Variants in NUCB1 observed in about 807,000 individuals in gnomAD.
NUCB1 encodes the protein nucleobindin-1.
NUCB1 carries 47 observed loss-of-function variants against 61.2 expected under a neutral mutation model. The observed-to-expected ratio is 0.77, with a 90% confidence interval of 0.61 to 0.98. NUCB1 has a LOEUF of 0.98. Among genes scored for constraint, NUCB1 ranks in the 50% least tolerant of loss-of-function variants. NUCB1 has a pLI of 0.00. For synonymous variants in NUCB1, 234 were observed against 243.1 expected (o/e 0.96, Z 0.35); for missense variants, 583 against 605.3 (o/e 0.96, Z 0.39).
chr19:48,900,612 T>A, intron 1 of NUCB1, 174 bp from the exon 2 acceptor site: 1 of 810,592 alleles, frequency 1.2e-6, no homozygotes, highest in Non-Finnish European at 1.9e-6. Context: ...CCCAGACTCC[T>A]GTGTCGGAGG....
intron 4 of NUCB1, among the ~76,000 whole-genome samples, chr19:48,906,692 C>T (rs1269903328): frequency 5.9e-5 from 9 of 151,912 alleles, no homozygotes. Flanking sequence ...CACTGTACTC[C>T]AGCCTGGGCG....
At chr19:48,907,841 G>C (rs10416167) in intron 4 of NUCB1, among the ~76,000 whole-genome samples, 70,743 of 148,916 alleles carry the variant, frequency 0.48, 18,598 homozygotes, top group African/African-American at 0.73. Flanking sequence ...TGCCCTTCCC[G>C]TATGCACCCT....
At chr19:48,911,829 TG>T (rs905323048) in intron 5 of NUCB1, among the ~76,000 whole-genome samples, 38 of 151,944 alleles carry the variant, frequency 2.5e-4, no homozygotes, top group African/African-American at 8.0e-4. Flanking sequence ...TTTGGGAGTG[TG>T]GGGGGAGTAT....
chr19:48,913,451 G>A, intron 6 of NUCB1, 23 bp from the exon 7 acceptor site: 1 of 1,605,990 alleles, frequency 6.2e-7, no homozygotes, highest in Non-Finnish European at 8.5e-7. Context: ...TTGCTCATGA[G>A]CTCCTGGCTC....
At chr19:48,903,632 G>T (rs1452363023) in intron 2 of NUCB1, among the ~76,000 whole-genome samples, 1 of 143,416 alleles carries the variant, frequency 7.0e-6, no homozygotes, top group African/African-American at 2.6e-5. Flanking sequence ...ATGGACGGGT[G>T]GTTGGATGGA....
intron 2 of NUCB1, 24 bp from the exon 3 acceptor site, chr19:48,904,323 C>A (rs776991134): frequency 6.6e-7 from 1 of 1,506,922 alleles, no homozygotes; most frequent in Non-Finnish European, 9.2e-7. Flanking sequence ...GCAGGGGCTG[C>A]TATGTCTGTC....
rs776576952 is a variant in NUCB1, at chr19:48,912,974, A to AG, written c.481-32dup. The AG allele has an allele frequency of 4.8e-5, 73 of 1,514,914 alleles. No individual in the cohort carries two copies. The South Asian group carries it at 9.0e-4, about 19-fold the overall frequency. The allele number at this position is 1,514,914 out of a possible 1,614,324, so 93.8% of individuals were successfully genotyped here. ...CAGGCTGGAATTGGGGGCTGGGCAGAGGGGGCAGAGGGGAATGACCCTGTG... is the reference window on the plus strand; with the variant it reads ...CAGGCTGGAATTGGGGGCTGGGCAGAGGGGGGCAGAGGGGAATGACCCTGTG... On this transcript the variant is annotated intron_variant, in intron 5 of 12. Coordinates refer to ENST00000405315, the MANE Select transcript of NUCB1 (RefSeq NM_006184.6).
intron 2 of NUCB1, among the ~76,000 whole-genome samples, chr19:48,904,038 GATGGATGGGTGGGTGGATGC>G (rs1423421889): frequency 6.6e-6 from 1 of 151,410 alleles, no homozygotes; most frequent in East Asian, 1.9e-4. Flanking sequence ...GGGATGTATG[GATGGATGGGTGGGTGGATGC>G]ATGGATGAAT....
chr19:48,914,270 C>T (rs1035688292), intron 7 of NUCB1, among the ~76,000 whole-genome samples: 2 of 151,936 alleles, frequency 1.3e-5, no homozygotes, highest in African/African-American at 2.4e-5. Flanking sequence ...TCACTGCGCC[C>T]GGCCTCGAAA....
At chr19:48,915,614 C>T (rs942828081) in intron 7 of NUCB1, among the ~76,000 whole-genome samples, 5 of 152,160 alleles carry the variant, frequency 3.3e-5, no homozygotes, top group African/African-American at 1.2e-4. Flanking sequence ...GATCCTCCCC[C>T]TCAGCCTCCC....
At chr19:48,903,852 G>T (rs2037381826) in intron 2 of NUCB1, among the ~76,000 whole-genome samples, 1 of 139,786 alleles carries the variant, frequency 7.2e-6, no homozygotes, top group South Asian at 2.4e-4. Context: ...ATGGATGGAT[G>T]GATGAGTGGA....
At chr19:48,910,855 G>A (rs527765328) in intron 4 of NUCB1, 1 of 254,770 alleles carries the variant, frequency 3.9e-6, no homozygotes, top group South Asian at 4.8e-5. Flanking sequence ...TAAAACCCTT[G>A]TTGTCAGGAT....
chr19:48,911,070 TC>T, intron 4 of NUCB1, 78 bp from the exon 5 acceptor site: 1 of 1,069,056 alleles, frequency 9.4e-7, no homozygotes, highest in Admixed American at 2.0e-5. Flanking sequence ...GTCCGTGACT[TC>T]TTTGGATCAT....
At chr19:48,909,578 A>G (rs1037632264) in intron 4 of NUCB1, among the ~76,000 whole-genome samples, 30 of 150,552 alleles carry the variant, frequency 2.0e-4, no homozygotes, top group Middle Eastern at 3.5e-3. Flanking sequence ...TTTCACTTCT[A>G]TCCTCCAGGC....
intron 8 of NUCB1, 22 bp from the exon 9 acceptor site, chr19:48,919,008 T>C (rs1387146998): frequency 6.2e-7 from 1 of 1,609,274 alleles, no homozygotes; most frequent in East Asian, 2.2e-5. Flanking sequence ...CAATGCTGTC[T>C]GCCTCTCGCT....
intron 2 of NUCB1, among the ~76,000 whole-genome samples, chr19:48,901,745 G>A (rs1211651060): frequency 6.6e-6 from 1 of 152,152 alleles, no homozygotes; most frequent in African/African-American, 2.4e-5. Flanking sequence ...CTCCAGCCTG[G>A]GCAACAGAGC....
chr19:48,922,012 C>T (rs973239717), intron 12 of NUCB1, 80 bp downstream of exon 12: 6 of 1,140,192 alleles, frequency 5.3e-6, no homozygotes, highest in Non-Finnish European at 6.3e-6. Flanking sequence ...GCCTGGACTC[C>T]CAGATCTGAG....
chr19:48,918,863 C>A, intron 8 of NUCB1, 79 bp downstream of exon 8: 1 of 1,417,904 alleles, frequency 7.1e-7, no homozygotes, highest in South Asian at 1.2e-5. Flanking sequence ...CCCCTTAAAT[C>A]CCCCTGGATG....
rs779945237 is a variant in NUCB1, at chr19:48,918,701, T to C, written c.758-25T>C. On this transcript the variant is annotated intron_variant, in intron 7 of 12. Coordinates refer to ENST00000405315, the MANE Select transcript of NUCB1 (RefSeq NM_006184.6). ...ACATCCCGTCCTCGGTCCCCTGAGA[T>C]ACCTTGCTATCCTCTTCCCTTCAGA... 16 of 1,604,200 alleles carry C rather than the reference T, an allele frequency of 1.0e-5. No individual in the cohort carries two copies. In the South Asian group the frequency reaches 1.7e-4, roughly 17 times the overall value.
Sources: allele counts gnomAD v4.1 joint callset (sites outside exome capture counted in the v4.1 genomes callset), GRCh38; gene constraint gnomAD v4.1.1; transcripts MANE v1.5; gene names NCBI Gene and HGNC (gene_info 2026-07-23, HGNC 2026-07-21).